The following PCDHGA4 variants were observed in gnomAD, a reference collection of about 807,000 sequenced individuals.
The protein encoded by PCDHGA4 is protocadherin gamma subfamily A, 4.
Under a neutral mutation model 54.6 loss-of-function variants are expected in PCDHGA4, and 38 were observed. The ratio of observed to expected loss-of-function variants is 0.70; its 90% CI spans 0.54 to 0.91. The LOEUF (loss-of-function observed/expected upper bound fraction) is 0.91, where lower values mean the gene tolerates loss of function less well. Among genes scored for constraint, PCDHGA4 ranks in the 40% least tolerant of loss-of-function variants. The probability of loss-of-function intolerance (pLI) is 0.00; values close to 1 mark genes in which losing one functional copy is unlikely to be tolerated. For missense variants in PCDHGA4, 1,298 were observed against 1,220.9 expected (o/e 1.06, Z -0.94); for synonymous variants, 511 against 512.9 (o/e 1.00, Z 0.05).
intron 1 of PCDHGA4, among the ~76,000 whole-genome samples, chr5:141,381,853 G>A (rs1391897608): frequency 1.4e-5 from 1 of 72,944 alleles, no homozygotes; most frequent in Non-Finnish European, 2.5e-5. Flanking sequence ...TTTTTTGGCA[G>A]AGTTTTGCTC....
rs766164142 is a variant in PCDHGA4, at chr5:141,477,910, G to T, written c.2515-16897G>T. ...TGTCACGGGTGGTAGGCTGGGACGC[G>T]GATGCAGGGCACAATGCCTGGCTCT... On this transcript the variant is annotated intron_variant, in intron 1 of 3. Transcript: ENST00000571252. This position sits in a 1 kb window ranked among gnomAD's most constrained non-coding sequence, Gnocchi z 4.9. The T allele has an allele frequency of 6.2e-7, 1 of 1,614,048 alleles. No individual in the cohort carries two copies. Among genetic ancestry groups the T allele is most frequent in the African/African-American group, 1.3e-5 (1 of 74,932 alleles).
At chr5:141,365,842 T>C in intron 1 of PCDHGA4, 4 of 1,613,964 alleles carry the variant, frequency 2.5e-6, no homozygotes, top group Non-Finnish European at 3.4e-6. Context: ...TGTCCTCCTA[T>C]GTATCCATTA....
In PCDHGA4 at chr5:141,399,169, C is replaced by G. The variant is rs371809310; in HGVS notation, c.2514+41548C>G. On this transcript the variant is annotated intron_variant, in intron 1 of 3. Transcript: ENST00000571252. ...TAGCCCAGAAGTTACATTCCATTCT[C>G]TACTTGAAATGATTCTGGAAAACGC... 2.4e-5 allele frequency: 38 copies of G among 1,613,632 alleles called. No individual in the cohort carries two copies. In the African/African-American group the frequency reaches 4.0e-4, roughly 17 times the overall value.
intron 1 of PCDHGA4, chr5:141,403,322 A>G (rs1156229289): frequency 6.2e-7 from 1 of 1,613,982 alleles, no homozygotes; most frequent in Non-Finnish European, 8.5e-7. Flanking sequence ...AATAGAAGTA[A>G]CTGATATTAA....
At chr5:141,419,849 T>C in intron 1 of PCDHGA4, 1 of 1,614,040 alleles carries the variant, frequency 6.2e-7, no homozygotes, top group East Asian at 2.2e-5. Context: ...GCACCTGGTG[T>C]TCGCAGATAG....
At chr5:141,375,305 G>A in intron 1 of PCDHGA4, 1 of 1,613,812 alleles carries the variant, frequency 6.2e-7, no homozygotes, top group African/African-American at 1.3e-5. Context: ...AGTGACAAAT[G>A]CAGCTCTAGA....
chr5:141,472,009 G>A (rs917861040), intron 1 of PCDHGA4, among the ~76,000 whole-genome samples: 11 of 152,074 alleles, frequency 7.2e-5, no homozygotes, highest in African/African-American at 2.7e-4. Flanking sequence ...TCGTATAGGG[G>A]CACTATATTG....
intron 1 of PCDHGA4, chr5:141,417,543 C>T: frequency 6.5e-6 from 2 of 307,994 alleles, no homozygotes; most frequent in Non-Finnish European, 1.2e-5. Flanking sequence ...AAAAAAAATT[C>T]CTTGAAAGAG....
chr5:141,393,657 C>G, intron 1 of PCDHGA4: 1 of 1,613,862 alleles, frequency 6.2e-7, no homozygotes, highest in Non-Finnish European at 8.5e-7. Context: ...ATACAAATTC[C>G]GGAAAATTAA....
chr5:141,453,067 C>A (rs1227122711), intron 1 of PCDHGA4, among the ~76,000 whole-genome samples: 1 of 152,024 alleles, frequency 6.6e-6, no homozygotes, highest in African/African-American at 2.4e-5. Context: ...AGAGTTTTGC[C>A]ACACTCTGGT....
At position 141,431,754 on chromosome 5, in the gene PCDHGA4, A is replaced by C; in HGVS notation, c.2515-63053A>C. ...AATGCAGGATATTCTGCGCGAGCCA[A>C]AGTCCTGATCACTGTTCTGGACGTG... On this transcript the variant is annotated intron_variant, in intron 1 of 3. Transcript: ENST00000571252. The surrounding 1 kb of genome is among the most constrained non-coding windows in gnomAD (Gnocchi z 4.8). The C allele has an allele frequency of 6.2e-7, 1 of 1,614,208 alleles. No individual in the cohort carries two copies. Among genetic ancestry groups the C allele is most frequent in the Middle Eastern group, 1.6e-4 (1 of 6,062 alleles).
At chr5:141,405,257 A>T (rs747554046) in intron 1 of PCDHGA4, 2 of 1,613,954 alleles carry the variant, frequency 1.2e-6, no homozygotes, top group Non-Finnish European at 1.7e-6. Flanking sequence ...GAGTCACCTG[A>T]TCTTCCCCCA....
intron 1 of PCDHGA4, chr5:141,377,467 A>C (rs1170946460): frequency 6.6e-6 from 1 of 152,194 alleles, no homozygotes; most frequent in South Asian, 2.1e-4. Context: ...TGTGTGGCGT[A>C]CACCTGTAGT....
intron 1 of PCDHGA4, among the ~76,000 whole-genome samples, chr5:141,444,885 T>C (rs547403761): frequency 6.6e-6 from 1 of 152,320 alleles, no homozygotes; most frequent in African/African-American, 2.4e-5. Flanking sequence ...TGTAGGATTT[T>C]TGAATGGGAT....
At chr5:141,414,491 A>T in intron 1 of PCDHGA4, 1 of 1,613,962 alleles carries the variant, frequency 6.2e-7, no homozygotes, top group Non-Finnish European at 8.5e-7. Flanking sequence ...CTATCAACGG[A>T]AGCTCACTTT....
chr5:141,356,333 G>GA lies in PCDHGA4; in HGVS notation c.1229dup (p.Asn410LysfsTer11). The GA allele has an allele frequency of 6.4e-7, 1 of 1,554,488 alleles. No individual in the cohort carries two copies. The highest frequency in any genetic ancestry group is 1.4e-5 in the African/African-American group (1 of 73,224). On this transcript the variant is annotated frameshift_variant, in exon 1 of 4. Transcript: ENST00000571252. LOFTEE classifies it high-confidence loss of function. ...AACGTGCATGACAGTGACTCAGGAG[G>GA]AAATGGCCTAGTCACATGTTCTATT...
At chr5:141,434,785 T>A (rs7727021) in intron 1 of PCDHGA4, among the ~76,000 whole-genome samples, 45,585 of 150,884 alleles carry the variant, frequency 0.3, 8,100 homozygotes, top group African/African-American at 0.51. Context: ...AAAAAAAAAA[T>A]TTTTTTTTCT....
intron 1 of PCDHGA4, among the ~76,000 whole-genome samples, chr5:141,445,920 A>C (rs1343777309): frequency 6.6e-6 from 1 of 152,212 alleles, no homozygotes; most frequent in African/African-American, 2.4e-5. Context: ...GGCAGTGACA[A>C]GATATTTGAA....
chr5:141,502,500 G>C (rs1398797155), intron 2 of PCDHGA4, among the ~76,000 whole-genome samples: 1 of 152,046 alleles, frequency 6.6e-6, no homozygotes, highest in Non-Finnish European at 1.5e-5. Flanking sequence ...ATCTAACGTC[G>C]GCCTGTCCCA....
Sources: gnomAD v4.1 joint callset for allele counts (sites outside exome capture counted in the v4.1 genomes callset) on GRCh38, gnomAD v4.1.1 for gene constraint, Gnocchi (gnomAD v3.1) non-coding constraint, MANE v1.5 for transcripts, NCBI Gene and HGNC (gene_info 2026-07-23, HGNC 2026-07-21) for gene names.